MYBBP1A: variants seen among roughly 807,000 people sequenced by gnomAD.
MYBBP1A encodes the protein myb-binding protein 1A.
Under a neutral mutation model 136.3 loss-of-function variants are expected in MYBBP1A, and 147 were observed. The observed-to-expected ratio is 1.08, with a 90% confidence interval of 0.94 to 1.24. The LOEUF (loss-of-function observed/expected upper bound fraction) is 1.24. Among genes scored for constraint, MYBBP1A ranks in the 50% most tolerant of loss-of-function variants. The probability of loss-of-function intolerance (pLI) is 0.00; values close to 1 mark genes in which losing one functional copy is unlikely to be tolerated. For synonymous variants in MYBBP1A, 947 were observed against 735.8 expected, an observed-to-expected ratio of 1.29 and a Z score of -4.65; for missense variants, 2,060 against 1,727.4, an observed-to-expected ratio of 1.19 and a Z score of -3.41.
rs1567604264 is a variant in MYBBP1A, at chr17:4,542,458, T to C, written c.3087+6A>G. On this transcript the variant is annotated splice_donor_region_variant and intron_variant, in intron 22 of 25. Coordinates refer to ENST00000254718, the MANE Select transcript of MYBBP1A (RefSeq NM_014520.4). Reference sequence around the variant, plus strand: ...GCCCTGGGCTGGGAGCTGGGAAGTCTCTCACCTGATGACGGGGCCGCACCG... The same window carrying C: ...GCCCTGGGCTGGGAGCTGGGAAGTCCCTCACCTGATGACGGGGCCGCACCG... The C allele has an allele frequency of 3.7e-6, 6 of 1,605,032 alleles. No individual in the cohort carries two copies. Among genetic ancestry groups the C allele is most frequent in the Non-Finnish European group, 5.1e-6 (6 of 1,174,710 alleles).
chr17:4,549,940 C>T (rs962927658), intron 9 of MYBBP1A, 118 bp downstream of exon 9: 3 of 1,131,324 alleles, frequency 2.7e-6, no homozygotes, highest in Non-Finnish European at 3.8e-6. Flanking sequence ...GCTCTTCCCC[C>T]TCGCTCCTCT....
rs1906920595 is a variant in MYBBP1A, at chr17:4,545,487, G to A, written c.2073+123C>T. 4.0e-6 allele frequency: 6 copies of A among 1,492,272 alleles called. No individual in the cohort carries two copies. The African/African-American group carries it at 5.6e-5, about 14-fold the overall frequency. The allele number at this position is 1,492,272 out of a possible 1,614,324, so 92.4% of individuals were successfully genotyped here. A position where few individuals can be genotyped will look rare whatever the true frequency, so the allele number is the denominator to read the frequency against. ...GGCCAGGCCAGGCCAAGGCCTCGTT[G>A]AGACCCCTCCCACCGGCCGCAGGCT... is the stretch of plus-strand genomic sequence containing the variant. On this transcript the variant is annotated intron_variant, in intron 15 of 25. Transcript: ENST00000254718.
rs766124536 is a variant in MYBBP1A, at chr17:4,539,982, G to A, written c.3435-15C>T. 1 of 1,596,742 alleles carries A rather than the reference G, an allele frequency of 6.3e-7. No homozygotes were observed. The highest frequency in any genetic ancestry group is 1.1e-5 in the South Asian group (1 of 90,998). Reference sequence around the variant, plus strand: ...ACTTGGGGCGCCTGAAGGGAAGTGAGCAAGGTTAGAAGGTGCCCATCGAGG... The same window carrying A: ...ACTTGGGGCGCCTGAAGGGAAGTGAACAAGGTTAGAAGGTGCCCATCGAGG... On this transcript the variant is annotated splice_polypyrimidine_tract_variant and intron_variant, in intron 25 of 25. Coordinates refer to ENST00000254718, the MANE Select transcript of MYBBP1A (RefSeq NM_014520.4).
chr17:4,539,028 T>G lies in MYBBP1A; in HGVS notation c.*387A>C, dbSNP rs1207304814. ...CTTGTAAATGAAGAAATAAACCTAT[T>G]TAAATCACCCCCTGGTGGCTCCCTC... On this transcript the variant is annotated 3_prime_UTR_variant, in exon 26 of 26. Transcript: ENST00000254718. 3.4e-6 allele frequency: 3 copies of G among 874,280 alleles called. No homozygotes were observed. Among genetic ancestry groups the G allele is most frequent in the Non-Finnish European group, 5.9e-6 (3 of 504,868 alleles). 54.2% of individuals were successfully genotyped at this position (874,280 alleles called of 1,614,324 possible).
chr17:4,552,404 C>A lies in MYBBP1A; in HGVS notation c.737+47G>T, dbSNP rs1217731540. On this transcript the variant is annotated intron_variant, in intron 6 of 25. Coordinates refer to ENST00000254718, the MANE Select transcript of MYBBP1A (RefSeq NM_014520.4). The surrounding 1 kb of genome is among the most constrained non-coding windows in gnomAD (Gnocchi z 4.7). ...CGACAAATCTGGGCCTGGCCAGATG[C>A]AGTCCCTTGGCCCCAGGGAGGGCAA... 1.9e-6 allele frequency: 3 copies of A among 1,604,860 alleles called. No homozygotes were observed. The African/African-American group carries it at 4.0e-5, about 21-fold the overall frequency.
rs551467089 is a variant in MYBBP1A at position 4,544,375 on chromosome 17, C to G, written c.2639+114G>C. The G allele has an allele frequency of 8.1e-5, 114 of 1,401,538 alleles. No homozygotes were observed. In the African/African-American group the frequency reaches 1.6e-3, roughly 19 times the overall value. 86.8% of individuals were successfully genotyped at this position (1,401,538 alleles called of 1,614,324 possible). Reference sequence around the variant, plus strand: ...GCAGTGAGCCTGCGAGCTAGGGGCCCAGGCTGGAAGCTTGGCTCTCTCCTT... The same window carrying G: ...GCAGTGAGCCTGCGAGCTAGGGGCCGAGGCTGGAAGCTTGGCTCTCTCCTT... On this transcript the variant is annotated intron_variant, in intron 19 of 25. Transcript: ENST00000254718.
chr17:4,544,543 C>T lies in MYBBP1A; in HGVS notation c.2585G>A (p.Ser862Asn). Residue 862 changes from serine (S) to asparagine (N), a missense_variant, in exon 19 of 26, where the codon AGC becomes AAC. Physicochemically the swap from Ser to Asn is conservative, Grantham distance 46. Transcript: ENST00000254718. ...LLSIIRRSLRSSSSKQEQDLL... is the reference protein window; with the variant it reads ...LLSIIRRSLRNSSSKQEQDLL... ...GTCCTGCTCCTGTTTGGAGCTGCTGCTGCGCAGGCTGCGCCGGATGATGCT... is the reference window on the plus strand; with the variant it reads ...GTCCTGCTCCTGTTTGGAGCTGCTGTTGCGCAGGCTGCGCCGGATGATGCT... 2.6e-6 allele frequency: 4 copies of T among 1,557,736 alleles called. No homozygotes were observed. Among genetic ancestry groups the T allele is most frequent in the Non-Finnish European group, 3.5e-6 (4 of 1,151,260 alleles).
rs952375721 is a variant in MYBBP1A, at chr17:4,551,958, C to T, written c.945G>A (p.Leu315=). ...CCAGGTGCAGCTGCTCCTTGGTCAG[C>T]AGGGGCAGGGCCGCGCCCAGCAGGC... The part of the protein sequence containing the change: ...CFRLLGAALP[L]LTKEQLHLVM... The change falls in exon 8 of 26, where the codon CTG becomes CTA. Residue 315 remains leucine (L), a synonymous_variant. Transcript: ENST00000254718. 1 of 1,612,556 alleles carries T rather than the reference C, an allele frequency of 6.2e-7. No individual in the cohort carries two copies. Among genetic ancestry groups the T allele is most frequent in the Non-Finnish European group, 8.5e-7 (1 of 1,179,124 alleles).
rs1906064728 is a variant in MYBBP1A, at chr17:4,539,012, GAAGA to G, written c.*399_*402del. ...AGCCAAATATATTCCTCTTGTAAATGAAGAAATAAACCTATTTAAATCACCCCCT... is the reference window on the plus strand; with the variant it reads ...AGCCAAATATATTCCTCTTGTAAATGAATAAACCTATTTAAATCACCCCCT... On this transcript the variant is annotated 3_prime_UTR_variant, in exon 26 of 26. Transcript: ENST00000254718. The G allele has an allele frequency of 2.4e-6, 2 of 821,496 alleles. No homozygotes were observed. Among genetic ancestry groups the G allele is most frequent in the South Asian group, 1.3e-5 (1 of 75,344 alleles). The allele number at this position is 821,496 out of a possible 1,614,324, so 50.9% of individuals were successfully genotyped here. A position where few individuals can be genotyped will look rare whatever the true frequency, so the allele number is the denominator to read the frequency against.
At chr17:4,553,348 C>G (rs1907702514) in intron 5 of MYBBP1A, among the ~76,000 whole-genome samples, 1 of 152,204 alleles carries the variant, frequency 6.6e-6, no homozygotes, top group Non-Finnish European at 1.5e-5. Context: ...TGGAGGCCCA[C>G]AAGGGGCCAG....
rs757334472 is a variant in MYBBP1A, at chr17:4,555,329, G to C, written c.-5C>G. On this transcript the variant is annotated 5_prime_UTR_variant, in exon 1 of 26. Transcript: ENST00000254718. The stretch of plus-strand genomic sequence containing the variant: ...GGCGGGATCCCGGCTCTCCATCTCC[G>C]CCACACTCACCGAAACACGAAACAC... The C allele has an allele frequency of 3.1e-6, 5 of 1,591,108 alleles. No individual in the cohort carries two copies. Among genetic ancestry groups the C allele is most frequent in the Admixed American group, 3.6e-5 (2 of 56,060 alleles).
At position 4,555,314 on chromosome 17, in the gene MYBBP1A, C is replaced by G. The variant is rs1293304208; in HGVS notation, c.11G>C (p.Arg4Pro). 1 of 1,597,204 alleles carries G rather than the reference C, an allele frequency of 6.3e-7. No homozygotes were observed. Among genetic ancestry groups the G allele is most frequent in the Non-Finnish European group, 8.5e-7 (1 of 1,173,140 alleles). Residue 4 changes from arginine to proline, a missense_variant, in exon 1 of 26, where the codon CGG becomes CCG. Arg to Pro is a moderately radical substitution (Grantham distance 103). Coordinates refer to ENST00000254718, the MANE Select transcript of MYBBP1A (RefSeq NM_014520.4). ...AGGCGACATCGGCTGGGCGGGATCC[C>G]GGCTCTCCATCTCCGCCACACTCAC... MES[R>P]DPAQPMSPGE...
intron 8 of MYBBP1A, among the ~76,000 whole-genome samples, chr17:4,550,832 C>T (rs1383560054): frequency 1.3e-5 from 2 of 152,262 alleles, no homozygotes; most frequent in South Asian, 2.1e-4. Context: ...CCAGCACCCG[C>T]GCTCCGCCTT....
chr17:4,544,986 G>GCCCAACC, intron 17 of MYBBP1A, 40 bp downstream of exon 17: 1 of 1,464,174 alleles, frequency 6.8e-7, no homozygotes, highest in Non-Finnish European at 9.1e-7. Flanking sequence ...GGACACCCGA[G>GCCCAACC]CCCTCCCCGG....
At chr17:4,545,975 G>A in intron 13 of MYBBP1A, 33 bp from the exon 14 acceptor site, 2 of 1,595,420 alleles carry the variant, frequency 1.3e-6, no homozygotes, top group South Asian at 1.1e-5. Flanking sequence ...ACTGGGGCCA[G>A]GCCCTGTCCC....
chr17:4,548,514 C>G lies in MYBBP1A; in HGVS notation c.1556+10G>C. ...ACCTTCGGACCTCTCCTGGGCTGCC[C>G]AAGACTCACCTGAAGAAGGCACTGC... On this transcript the variant is annotated intron_variant, in intron 11 of 25. Coordinates refer to ENST00000254718, the MANE Select transcript of MYBBP1A (RefSeq NM_014520.4). This position sits in a 1 kb window ranked among gnomAD's most constrained non-coding sequence, Gnocchi z 4.2. 1 of 1,613,904 alleles carries G rather than the reference C, an allele frequency of 6.2e-7. No individual in the cohort carries two copies. Among genetic ancestry groups the G allele is most frequent in the Non-Finnish European group, 8.5e-7 (1 of 1,180,024 alleles).
Position 4,548,784 on chromosome 17 carries a change from G to C in MYBBP1A, c.1431-135C>G, listed in dbSNP as rs1301538809. ...CCCTTCTGCCCTGGGTACAGTCCTC[G>C]GGGGCCTGACGGGCAAGGCTGGAGG... On this transcript the variant is annotated intron_variant, in intron 10 of 25. Coordinates refer to ENST00000254718, the MANE Select transcript of MYBBP1A (RefSeq NM_014520.4). This position sits in a 1 kb window ranked among gnomAD's most constrained non-coding sequence, Gnocchi z 4.2. The C allele has an allele frequency of 7.1e-6, 9 of 1,267,464 alleles. No homozygotes were observed. Among genetic ancestry groups the C allele is most frequent in the Admixed American group, 2.4e-5 (1 of 41,592 alleles). The allele number at this position is 1,267,464 out of a possible 1,614,324, so 78.5% of individuals were successfully genotyped here.
At position 4,548,140 on chromosome 17, in the gene MYBBP1A, C is replaced by T. The variant is rs778752348; in HGVS notation, c.1724+3G>A. ...CCACCCCCTGGAAATCCCACGTGCT[C>T]ACCGGTCCCAGGCCTGGCGCTGCTG... On this transcript the variant is annotated splice_donor_region_variant and intron_variant, in intron 12 of 25. Coordinates refer to ENST00000254718, the MANE Select transcript of MYBBP1A (RefSeq NM_014520.4). This position sits in a 1 kb window ranked among gnomAD's most constrained non-coding sequence, Gnocchi z 4.2. 1.2e-6 allele frequency: 2 copies of T among 1,604,728 alleles called. No individual in the cohort carries two copies. The highest frequency in any genetic ancestry group is 1.1e-5 in the South Asian group (1 of 91,076).
Position 4,544,932 on chromosome 17 carries a change from G to A in MYBBP1A, c.2311-11C>T. ...ACTGTCCTCTCCACCCTGAGGGACA[G>A]AGGCCCAGCGGTCAGCCAGGCCTCG... On this transcript the variant is annotated splice_polypyrimidine_tract_variant and intron_variant, in intron 17 of 25. Coordinates refer to ENST00000254718, the MANE Select transcript of MYBBP1A (RefSeq NM_014520.4). The A allele has an allele frequency of 1.3e-6, 2 of 1,593,916 alleles. No homozygotes were observed. Among genetic ancestry groups the A allele is most frequent in the Non-Finnish European group, 1.7e-6 (2 of 1,169,010 alleles).
Sources: allele counts gnomAD v4.1 joint callset (sites outside exome capture counted in the v4.1 genomes callset), GRCh38; gene constraint gnomAD v4.1.1; non-coding constraint Gnocchi (gnomAD v3.1); transcripts MANE v1.5; gene names NCBI Gene and HGNC (gene_info 2026-07-23, HGNC 2026-07-21).